DOCK2: variants seen among roughly 807,000 people sequenced by gnomAD.
DOCK2 encodes the protein dedicator of cytokinesis protein 2.
In DOCK2, 87 loss-of-function variants were observed where a neutral mutation model predicts 248.9. That is an observed-to-expected ratio of 0.35 (90% CI 0.29 to 0.42). The LOEUF is 0.42. DOCK2 is among the 10% of genes least tolerant of loss of function. The pLI, the probability that DOCK2 is intolerant of heterozygous loss-of-function variation, is 1.00. For missense variants in DOCK2, 1,747 were observed against 2,300.2 expected (o/e 0.76, Z 4.92); for synonymous variants, 805 against 821.6 (o/e 0.98, Z 0.35).
At chr5:169,805,413 A>C (rs79889807) in intron 26 of DOCK2, among the ~76,000 whole-genome samples, 1 of 152,266 alleles carries the variant, frequency 6.6e-6, no homozygotes, top group African/African-American at 2.4e-5. Flanking sequence ...TGTCTTAAAA[A>C]AAAATTTGCC....
intron 27 of DOCK2, among the ~76,000 whole-genome samples, chr5:169,908,066 C>T (rs1774393738): frequency 6.6e-6 from 1 of 152,172 alleles, no homozygotes; most frequent in African/African-American, 2.4e-5. Flanking sequence ...AAGCCATCCC[C>T]AGGAAAAGCT....
rs149097909 is a variant in DOCK2 at position 169,829,294 on chromosome 5, G to A, written c.2704-11463G>A. Among the ~76,000 whole-genome samples, 1,004 of 152,196 alleles carry A rather than the reference G, an allele frequency of 6.6e-3. 13 individuals are homozygous for A. The highest frequency in any genetic ancestry group is 0.047 in the South Asian group (227 of 4,820). On this transcript the variant is annotated intron_variant, in intron 26 of 51. Coordinates refer to ENST00000520908, the MANE Select transcript of DOCK2 (RefSeq NM_004946.3). ...GAAATACATTGTCTCTCAAAAAAGC[G>A]GCATGCATTAAACATTCAGTAATTT...
intron 30 of DOCK2, among the ~76,000 whole-genome samples, chr5:170,007,110 C>CA (rs2113808279): frequency 6.6e-6 from 1 of 152,332 alleles, no homozygotes; most frequent in South Asian, 2.1e-4. Flanking sequence ...CTCTGGGCAG[C>CA]AATGATGATG....
chr5:169,887,873 CA>C (rs1402093936), intron 27 of DOCK2, among the ~76,000 whole-genome samples: 1 of 152,170 alleles, frequency 6.6e-6, no homozygotes, highest in Non-Finnish European at 1.5e-5. Context: ...GGTCTTTCAC[CA>C]GAACCTCTTT....
intron 32 of DOCK2, among the ~76,000 whole-genome samples, chr5:170,014,581 T>C (rs1755438454): frequency 2.2e-5 from 3 of 135,078 alleles, no homozygotes; most frequent in South Asian, 4.6e-4. Flanking sequence ...GTAGCTTCCA[T>C]ACAGAATAGC....
chr5:169,859,186 C>T (rs1432307912), intron 27 of DOCK2, among the ~76,000 whole-genome samples: 1 of 152,158 alleles, frequency 6.6e-6, no homozygotes, highest in Non-Finnish European at 1.5e-5. Flanking sequence ...GAGAACCAAA[C>T]TCTGTGTGTT....
At chr5:169,637,548 G>C (rs1258050918) in intron 1 of DOCK2, among the ~76,000 whole-genome samples, 179 bp downstream of exon 1, 1 of 152,144 alleles carries the variant, frequency 6.6e-6, no homozygotes, top group African/African-American at 2.4e-5. Context: ...AGAGGACGGC[G>C]GGACCCCACC....
intron 29 of DOCK2, among the ~76,000 whole-genome samples, chr5:169,993,774 G>T (rs1165441285): frequency 2.0e-5 from 3 of 152,196 alleles, no homozygotes; most frequent in African/African-American, 7.2e-5. Flanking sequence ...CCTGGGCTTT[G>T]TCTGGCTACA....
chr5:169,883,461 A>G (rs2113510374), intron 27 of DOCK2: 1 of 1,551,708 alleles, frequency 6.4e-7, no homozygotes, highest in Admixed American at 2.0e-5. Context: ...AGGCAAGGTC[A>G]GAAGACACAA....
chr5:169,855,889 A>G (rs951080601), intron 27 of DOCK2, among the ~76,000 whole-genome samples: 2 of 152,202 alleles, frequency 1.3e-5, no homozygotes, highest in African/African-American at 2.4e-5. Flanking sequence ...TAAAGAAAAG[A>G]GGTTTAATTT....
intron 14 of DOCK2, among the ~76,000 whole-genome samples, chr5:169,707,741 A>G (rs958322986): frequency 5.9e-5 from 9 of 152,176 alleles, no homozygotes; most frequent in Admixed American, 3.9e-4. Flanking sequence ...CACCGCCCTG[A>G]CGTGTTAGCT....
chr5:169,995,407 G>C (rs1189375403), intron 29 of DOCK2, among the ~76,000 whole-genome samples: 1 of 152,190 alleles, frequency 6.6e-6, no homozygotes, highest in East Asian at 1.9e-4. Flanking sequence ...ACACAGAAGA[G>C]TGATCACTGG....
At chr5:169,806,310 G>A (rs72841173) in intron 26 of DOCK2, among the ~76,000 whole-genome samples, 89 of 147,562 alleles carry the variant, frequency 6.0e-4, no homozygotes, top group African/African-American at 1.9e-3. Context: ...TGGTTAATTA[G>A]TTAATTAATT....
intron 27 of DOCK2, among the ~76,000 whole-genome samples, chr5:169,938,274 C>G (rs1013093464): frequency 6.6e-6 from 1 of 150,746 alleles, no homozygotes; most frequent in Non-Finnish European, 1.5e-5. Context: ...CTGGGATGTC[C>G]GTGTCCAAAC....
At chr5:169,811,622 T>A (rs564020025) in intron 26 of DOCK2, among the ~76,000 whole-genome samples, 2 of 152,328 alleles carry the variant, frequency 1.3e-5, no homozygotes, top group East Asian at 3.9e-4. Flanking sequence ...ATGGCACAAC[T>A]TCTATGGATG....
chr5:169,823,067 CAAG>C (rs1268940491), intron 26 of DOCK2, among the ~76,000 whole-genome samples: 5 of 152,024 alleles, frequency 3.3e-5, no homozygotes, highest in Non-Finnish European at 5.9e-5. Context: ...AAGACTAAAC[CAAG>C]AAGAAGTTGA....
chr5:169,931,673 T>C (rs1014372127), intron 27 of DOCK2, among the ~76,000 whole-genome samples: 2 of 152,132 alleles, frequency 1.3e-5, no homozygotes, highest in Non-Finnish European at 2.9e-5. Context: ...CTGTGTGAGA[T>C]GGTGGTGAGG....
intron 4 of DOCK2, 28 bp downstream of exon 4, chr5:169,670,625 G>A: frequency 1.2e-6 from 2 of 1,612,840 alleles, no homozygotes; most frequent in South Asian, 1.1e-5. Flanking sequence ...CCAGACTTGA[G>A]CCTCCAGTGG....
intron 27 of DOCK2, among the ~76,000 whole-genome samples, chr5:169,970,312 G>C (rs1246899339): frequency 6.6e-6 from 1 of 152,170 alleles, no homozygotes; most frequent in Non-Finnish European, 1.5e-5. Context: ...CCCAAACCTG[G>C]ATACCTATTT....
Sources: gnomAD v4.1 joint callset for allele counts (sites outside exome capture counted in the v4.1 genomes callset) on GRCh38, gnomAD v4.1.1 for gene constraint, MANE v1.5 for transcripts, NCBI Gene and HGNC (gene_info 2026-07-23, HGNC 2026-07-21) for gene names.